UNKL: variants seen among roughly 807,000 people sequenced by gnomAD.
UNKL encodes the protein putative E3 ubiquitin-protein ligase UNKL.
In UNKL, 60 loss-of-function variants were observed where a neutral mutation model predicts 78.0. The ratio of observed to expected loss-of-function variants is 0.77; its 90% CI spans 0.63 to 0.95. The LOEUF (loss-of-function observed/expected upper bound fraction) is 0.95, where lower values mean the gene tolerates loss of function less well. UNKL is among the 40% of genes least tolerant of loss of function. The pLI is 0.00. For missense variants in UNKL, 1,159 were observed against 1,045.7 expected (o/e 1.11, Z -1.49); for synonymous variants, 608 against 474.8 (o/e 1.28, Z -3.65).
Position 1,366,228 on chromosome 16 carries a change from T to A in UNKL, c.*12A>T. The A allele has an allele frequency of 6.6e-7, 1 of 1,517,362 alleles. No homozygotes were observed. Among genetic ancestry groups the A allele is most frequent in the Non-Finnish European group, 8.9e-7 (1 of 1,126,158 alleles). The allele number at this position is 1,517,362 out of a possible 1,614,324, so 94.0% of individuals were successfully genotyped here. A position where few individuals can be genotyped will look rare whatever the true frequency, so the allele number is the denominator to read the frequency against. ...CAGGGTGCCCAGCAGGAGGTGGCTGTCCCCGCTGAGGTCACCACTGCAGGG... is the reference window on the plus strand; with the variant it reads ...CAGGGTGCCCAGCAGGAGGTGGCTGACCCCGCTGAGGTCACCACTGCAGGG... On this transcript the variant is annotated 3_prime_UTR_variant, in exon 15 of 15. Transcript: ENST00000389221.
Position 1,403,330 on chromosome 16 carries a change from T to C in UNKL, c.302A>G (p.His101Arg). ...GCGTTCTGTGTCCCCCGTCGTCCGG[T>C]GCAGGTAGGGACACCTGGGGAGCAG... ...CPDGDECPYL[H>R]RTTGDTERKY... Residue 101 changes from histidine to arginine, a missense_variant, in exon 3 of 15, where the codon CAC (histidine) becomes CGC (arginine). By Grantham distance (29) the His-to-Arg change is conservative. Transcript: ENST00000389221. The surrounding 1 kb of genome is among the most constrained non-coding windows in gnomAD (Gnocchi z 4.8). 6.2e-7 allele frequency: 1 copy of C among 1,614,146 alleles called. No homozygotes were observed.
chr16:1,371,675 T>C, intron 10 of UNKL, 64 bp from the exon 11 acceptor site: 5 of 1,496,436 alleles, frequency 3.3e-6, no homozygotes, highest in Non-Finnish European at 4.5e-6. Flanking sequence ...GAAGCCTAGC[T>C]GAGGAGGACG....
At chr16:1,379,726 AACGTG>A in intron 10 of UNKL, 1 of 902,614 alleles carries the variant, frequency 1.1e-6, no homozygotes, top group Non-Finnish European at 1.3e-6. Context: ...CCCGCCCCGC[AACGTG>A]ACTCGGCCCC....
At chr16:1,398,902 C>T in intron 5 of UNKL, 1 of 1,570,868 alleles carries the variant, frequency 6.4e-7, no homozygotes, top group Non-Finnish European at 8.6e-7. Flanking sequence ...GGTTGTTGGC[C>T]CTGGGACTCA....
At chr16:1,405,784 A>G in intron 2 of UNKL, 1 of 355,064 alleles carries the variant, frequency 2.8e-6, no homozygotes, top group Middle Eastern at 4.0e-4. Context: ...ACGTGATTAC[A>G]CCCAGCACAT....
intron 5 of UNKL, chr16:1,398,185 G>A (rs540313465): frequency 8.1e-5 from 46 of 567,228 alleles, no homozygotes; most frequent in Admixed American, 2.4e-4. Context: ...TTAAAACTCC[G>A]CACCAATTTC....
At chr16:1,401,780 T>C in intron 3 of UNKL, 79 bp from the exon 4 acceptor site, 2 of 1,521,836 alleles carry the variant, frequency 1.3e-6, no homozygotes, top group Non-Finnish European at 1.8e-6. Context: ...GAGGGCACGC[T>C]CCCCTCCCAC....
intron 9 of UNKL, among the ~76,000 whole-genome samples, chr16:1,389,634 G>A (rs942129160): frequency 1.3e-5 from 2 of 152,158 alleles, no homozygotes; most frequent in African/African-American, 4.8e-5. Context: ...GTGGGGGCAG[G>A]GCCCTACGCA....
intron 12 of UNKL, chr16:1,369,919 G>C (rs371838505): frequency 1.9e-6 from 3 of 1,539,880 alleles, no homozygotes; most frequent in African/African-American, 2.7e-5. Flanking sequence ...AGGTTGCGGC[G>C]AGCCGAGATC....
chr16:1,366,474 G>A, intron 14 of UNKL, 79 bp from the exon 15 acceptor site: 1 of 1,443,904 alleles, frequency 6.9e-7, no homozygotes, highest in Non-Finnish European at 9.1e-7. Context: ...GGCCTTCCGG[G>A]CAGGACTCAG....
chr16:1,379,125 G>A (rs1187921431), intron 10 of UNKL: 2 of 152,288 alleles, frequency 1.3e-5, no homozygotes, highest in Admixed American at 6.5e-5. Context: ...GCACATTCAA[G>A]GCGCCGCGGT....
chr16:1,387,725 C>T lies in UNKL; in HGVS notation c.1087-2340G>A, dbSNP rs1017448989. Among the ~76,000 whole-genome samples the T allele has an allele frequency of 2.6e-5, 4 of 152,032 alleles. No individual in the cohort carries two copies. Among genetic ancestry groups the T allele is most frequent in the Non-Finnish European group, 5.9e-5 (4 of 67,996 alleles). ...TCCGGGGACGTGGACACTGCACAGC[C>T]GCACGGCTGCCCGGCCCTCCGGGGA... On this transcript the variant is annotated intron_variant, in intron 9 of 14. Transcript: ENST00000389221. This position sits in a 1 kb window ranked among gnomAD's most constrained non-coding sequence, Gnocchi z 4.1.
intron 2 of UNKL, chr16:1,406,023 G>A (rs767699998): frequency 6.1e-5 from 28 of 456,614 alleles, no homozygotes; most frequent in Non-Finnish European, 9.7e-5. Flanking sequence ...TGGTGTGGAC[G>A]AGGCCCGTGG....
At chr16:1,380,048 C>T (rs1196229039) in intron 10 of UNKL, among the ~76,000 whole-genome samples, 1 of 152,244 alleles carries the variant, frequency 6.6e-6, no homozygotes, top group Non-Finnish European at 1.5e-5. Context: ...GGACCCTCCT[C>T]CCTCCCAAGT....
At position 1,371,271 on chromosome 16, in the gene UNKL, G is replaced by A. The variant is rs150585392; in HGVS notation, c.1357+248C>T. On this transcript the variant is annotated intron_variant, in intron 11 of 14. Coordinates refer to ENST00000389221, the MANE Select transcript of UNKL (RefSeq NM_001372107.1). ...GGCCCGAGGCAGGAGAGATGCTGAG[G>A]AGTCCATGTGCAGGGGAGGGAAAGG... Among the ~76,000 whole-genome samples the A allele has an allele frequency of 1.3e-4, 20 of 152,298 alleles. No individual in the cohort carries two copies. The East Asian group carries it at 3.3e-3, about 25-fold the overall frequency.
At chr16:1,384,205 C>A (rs978804600) in intron 10 of UNKL, among the ~76,000 whole-genome samples, 4 of 150,790 alleles carry the variant, frequency 2.7e-5, no homozygotes, top group African/African-American at 9.7e-5. Flanking sequence ...GGCCAGGTGT[C>A]CCCCACCACC....
Position 1,399,588 on chromosome 16 carries a change from C to G in UNKL, c.599-79G>C. 6.5e-7 allele frequency: 1 copy of G among 1,533,582 alleles called. No individual in the cohort carries two copies. The highest frequency in any genetic ancestry group is 8.7e-7 in the Non-Finnish European group (1 of 1,143,780). 95.0% of individuals were successfully genotyped at this position (1,533,582 alleles called of 1,614,324 possible). ...CAGAGGAGACCAAAGGTGGAAGGAC[C>G]TGGCTGTCCCCCAAATGGAAGGGGC... On this transcript the variant is annotated intron_variant, in intron 4 of 14. Coordinates refer to ENST00000389221, the MANE Select transcript of UNKL (RefSeq NM_001372107.1). The surrounding 1 kb of genome is among the most constrained non-coding windows in gnomAD (Gnocchi z 5.8).
At chr16:1,380,460 C>T (rs2036559752) in intron 10 of UNKL, among the ~76,000 whole-genome samples, 1 of 152,164 alleles carries the variant, frequency 6.6e-6, no homozygotes, top group Non-Finnish European at 1.5e-5. Context: ...GCGGGCAGGA[C>T]ACTGCCTCCA....
At chr16:1,381,245 G>A (rs2036595960) in intron 10 of UNKL, among the ~76,000 whole-genome samples, 1 of 152,186 alleles carries the variant, frequency 6.6e-6, no homozygotes, top group Non-Finnish European at 1.5e-5. Flanking sequence ...TTTCTGCTAT[G>A]CTCAAATTCT....
Sources: gnomAD v4.1 joint callset for allele counts (sites outside exome capture counted in the v4.1 genomes callset) on GRCh38, gnomAD v4.1.1 for gene constraint, Gnocchi (gnomAD v3.1) non-coding constraint, MANE v1.5 for transcripts, NCBI Gene and HGNC (gene_info 2026-07-23, HGNC 2026-07-21) for gene names.